TARP: variants seen among roughly 807,000 people sequenced by gnomAD.
At chr7:38,264,738 TA>T in the TARP span, among the ~76,000 whole-genome samples, 1 of 151,802 alleles carries the variant, frequency 6.6e-6, no homozygotes, top group South Asian at 2.1e-4. Flanking sequence ...TCAGAACACT[TA>T]AGCACAGTGG....
chr7:38,266,551 C>T, the TARP span, among the ~76,000 whole-genome samples: 3 of 151,900 alleles, frequency 2.0e-5, no homozygotes, highest in Non-Finnish European at 4.4e-5. Context: ...ATCTGCCTGC[C>T]TCAGCCTCCC....
At chr7:38,260,667 C>T in the TARP span, among the ~76,000 whole-genome samples, 1 of 151,710 alleles carries the variant, frequency 6.6e-6, no homozygotes, top group South Asian at 2.1e-4. Flanking sequence ...TGGGGGTGGA[C>T]CACTAGTGCC....
chr7:38,265,759 A>C, the TARP span: 8 of 1,054,246 alleles, frequency 7.6e-6, no homozygotes, highest in African/African-American at 8.5e-5. Context: ...GGCCTAGTAC[A>C]TAACCATAAA....
At chr7:38,266,570 G>A in the TARP span, among the ~76,000 whole-genome samples, 3 of 151,654 alleles carry the variant, frequency 2.0e-5, no homozygotes, top group African/African-American at 7.3e-5. Flanking sequence ...CCAAATCCTG[G>A]GATTATAGGT....
chr7:38,260,574 C>A, the TARP span, among the ~76,000 whole-genome samples: 2 of 151,082 alleles, frequency 1.3e-5, no homozygotes, highest in Admixed American at 6.6e-5. Flanking sequence ...CTAATTATGG[C>A]TATGCTATTA....
chr7:38,269,141 A>T, the TARP span, among the ~76,000 whole-genome samples: 1 of 151,818 alleles, frequency 6.6e-6, no homozygotes, highest in Non-Finnish European at 1.5e-5. Flanking sequence ...CATGTCTTTG[A>T]CCATCAGAGA....
the TARP span, among the ~76,000 whole-genome samples, chr7:38,267,483 C>A: frequency 8.6e-5 from 13 of 151,204 alleles, no homozygotes; most frequent in African/African-American, 2.9e-4. Flanking sequence ...TTAAATTTCT[C>A]ATTTCAGAAG....
At chr7:38,260,797 G>T in the TARP span, among the ~76,000 whole-genome samples, 1 of 151,736 alleles carries the variant, frequency 6.6e-6, no homozygotes, top group Non-Finnish European at 1.5e-5. Flanking sequence ...ATCTCAAGAA[G>T]TGATGTGTCC....
the TARP span, among the ~76,000 whole-genome samples, chr7:38,272,460 G>A: frequency 5.6e-5 from 8 of 143,164 alleles, no homozygotes; most frequent in Non-Finnish European, 1.1e-4. Context: ...TGTTTATGAA[G>A]CAGTGTGAAG....
At chr7:38,267,567 T>A in the TARP span, among the ~76,000 whole-genome samples, 1 of 150,766 alleles carries the variant, frequency 6.6e-6, no homozygotes, top group Non-Finnish European at 1.5e-5. Context: ...AGTAAACATA[T>A]ACAGAAATAT....
chr7:38,269,426 C>A, the TARP span: 2 of 704,870 alleles, frequency 2.8e-6, no homozygotes, highest in Non-Finnish European at 5.2e-6. Context: ...TTACATTATT[C>A]CAGTTTAATA....
At chr7:38,265,413 G>T in the TARP span, 1 of 1,612,114 alleles carries the variant, frequency 6.2e-7, no homozygotes. Flanking sequence ...CATGTCTGAC[G>T]ATACATCTGT....
the TARP span, among the ~76,000 whole-genome samples, chr7:38,267,994 T>C: frequency 2.0e-5 from 3 of 151,500 alleles, no homozygotes; most frequent in Non-Finnish European, 4.4e-5. Context: ...AAAATGAATC[T>C]GGAACTTCCA....
chr7:38,266,391 C>T, the TARP span, among the ~76,000 whole-genome samples: 6 of 151,906 alleles, frequency 3.9e-5, no homozygotes, highest in East Asian at 1.2e-3. Context: ...ACTGCAGTCT[C>T]GACTTCCCAG....
chr7:38,265,581 A>T, the TARP span: 4 of 1,611,982 alleles, frequency 2.5e-6, 1 homozygote, highest in African/African-American at 5.4e-5. Context: ...ATTTCTCAAG[A>T]AGACAAAGGT....
the TARP span, among the ~76,000 whole-genome samples, chr7:38,269,334 T>C: frequency 6.6e-5 from 10 of 152,022 alleles, no homozygotes; most frequent in South Asian, 2.1e-4. Context: ...ATGTTCTCTT[T>C]TAGTATGAGC....
the TARP span, among the ~76,000 whole-genome samples, chr7:38,264,021 A>G: frequency 6.6e-6 from 1 of 152,000 alleles, no homozygotes; most frequent in African/African-American, 2.4e-5. Flanking sequence ...TGATTGAGGT[A>G]AAAAGAATAA....
At chr7:38,271,602 A>G in the TARP span, among the ~76,000 whole-genome samples, 7 of 151,614 alleles carry the variant, frequency 4.6e-5, no homozygotes, top group African/African-American at 1.7e-4. Context: ...ACTTGGGGTA[A>G]TGTCTCTGTA....
the TARP span, among the ~76,000 whole-genome samples, chr7:38,265,041 G>A: frequency 5.3e-5 from 8 of 150,960 alleles, no homozygotes; most frequent in African/African-American, 2.0e-4. Flanking sequence ...CACGTGTCAC[G>A]TTGCTAGATG....
Sources: allele counts gnomAD v4.1 joint callset (sites outside exome capture counted in the v4.1 genomes callset), GRCh38; gene constraint gnomAD v4.1.1; transcripts MANE v1.5.